Variants in CLCN4 observed in about 807,000 individuals in gnomAD.
The protein encoded by CLCN4 is H(+)/Cl(-) exchange transporter 4.
In CLCN4, 1 loss-of-function variant was observed where a neutral mutation model predicts 41.7. That is an observed-to-expected ratio of 0.02 (90% confidence interval 0.01 to 0.11). CLCN4 has a LOEUF of 0.11. CLCN4 is among the 10% of genes least tolerant of loss of function. The pLI is 1.00. For synonymous variants in CLCN4, 277 were observed against 285.8 expected (o/e 0.97, Z 0.31); for missense variants, 287 against 661.0 (o/e 0.43, Z 6.20).
chrX:10,186,629 G>T (rs4830703), intron 3 of CLCN4, among the ~76,000 whole-genome samples: 22,941 of 110,392 alleles, frequency 0.21, 2,464 homozygotes, highest in East Asian at 0.83. Flanking sequence ...AAAGGAGGAG[G>T]GGAATGTGTA....
intron 2 of CLCN4, among the ~76,000 whole-genome samples, chrX:10,175,744 C>T (rs186057237): frequency 8.1e-4 from 90 of 111,222 alleles, no homozygotes; most frequent in Admixed American, 5.7e-3. Flanking sequence ...ACTTTGTTAG[C>T]GCTATGGTAT....
chrX:10,200,954 G>A (rs1192541166), intron 6 of CLCN4, among the ~76,000 whole-genome samples: 1 of 112,373 alleles, frequency 8.9e-6, no homozygotes, highest in African/African-American at 3.2e-5. Context: ...CTCCCAAAGT[G>A]CTGGGATTAC....
At chrX:10,203,488 A>T (rs1158147784) in intron 6 of CLCN4, among the ~76,000 whole-genome samples, 1 of 111,109 alleles carries the variant, frequency 9.0e-6, no homozygotes, top group East Asian at 2.8e-4. Flanking sequence ...GAACATACAC[A>T]CTCTTGGATG....
At chrX:10,186,277 C>T (rs1489089419) in intron 3 of CLCN4, among the ~76,000 whole-genome samples, 4 of 111,041 alleles carry the variant, frequency 3.6e-5, no homozygotes, top group African/African-American at 9.9e-5. Flanking sequence ...TCCCTGTGTG[C>T]AAGTGGAGGC....
intron 9 of CLCN4, among the ~76,000 whole-genome samples, chrX:10,210,017 C>T (rs188198822): frequency 9.0e-6 from 1 of 111,467 alleles, no homozygotes; most frequent in African/African-American, 3.3e-5. Flanking sequence ...TTTTTCCCTC[C>T]TGCAGCCCCG....
At chrX:10,174,525 A>G (rs767184762) in intron 2 of CLCN4, among the ~76,000 whole-genome samples, 8 of 112,687 alleles carry the variant, frequency 7.1e-5, no homozygotes, top group African/African-American at 2.6e-4. Flanking sequence ...CGGGCATTTT[A>G]TAAACAGTCT....
At chrX:10,172,214 T>C (rs1290719043) in intron 2 of CLCN4, among the ~76,000 whole-genome samples, 1 of 112,315 alleles carries the variant, frequency 8.9e-6, no homozygotes, top group African/African-American at 3.2e-5. Flanking sequence ...CATTTGAAGA[T>C]GTCTGGTTTT....
chrX:10,173,625 T>G (rs1923440147), intron 2 of CLCN4, among the ~76,000 whole-genome samples: 1 of 111,758 alleles, frequency 8.9e-6, no homozygotes, highest in South Asian at 3.8e-4. Context: ...CCCGGTCTCT[T>G]TTCTTTCTTT....
intron 2 of CLCN4, among the ~76,000 whole-genome samples, chrX:10,180,767 C>CA (rs869040200): frequency 0.091 from 2,279 of 25,021 alleles, 294 homozygotes; most frequent in East Asian, 0.59. Context: ...AACTCCATCT[C>CA]AAAAAAAAAA....
chrX:10,190,350 A>G (rs1923927295), intron 4 of CLCN4, among the ~76,000 whole-genome samples: 1 of 111,609 alleles, frequency 9.0e-6, no homozygotes. Flanking sequence ...TCTTTCTATA[A>G]TGTATACATA....
At chrX:10,165,054 C>T (rs753038196) in intron 2 of CLCN4, among the ~76,000 whole-genome samples, 4 of 112,679 alleles carry the variant, frequency 3.5e-5, no homozygotes, top group South Asian at 3.7e-4. Context: ...TGGCCCTGGT[C>T]GCCCTGCACC....
rs1555977625 is a variant in CLCN4 at position 10,216,897 on chromosome X, G to GTATA, written c.1975+2837_1975+2840dup. Among the ~76,000 whole-genome samples the GTATA allele has an allele frequency of 7.0e-3, 145 of 20,826 alleles. 13 individuals carry two copies. Among genetic ancestry groups the GTATA allele is most frequent in the Non-Finnish European group, 0.01 (114 of 10,920 alleles). The allele number at this position is 20,826 out of a possible 115,157, so 18.1% of individuals were successfully genotyped here. A position where few individuals can be genotyped will look rare whatever the true frequency, so the allele number is the denominator to read the frequency against. Reference sequence around the variant, plus strand: ...GTTGGGGATGTGTGTGTGTGTGTGTGTATATATATATATATATATATACAC... The same window carrying GTATA: ...GTTGGGGATGTGTGTGTGTGTGTGTGTATATATATATATATATATATATATACAC... On this transcript the variant is annotated intron_variant, in intron 11 of 12. Coordinates refer to ENST00000380833, the MANE Select transcript of CLCN4 (RefSeq NM_001830.4).
intron 4 of CLCN4, among the ~76,000 whole-genome samples, chrX:10,194,302 A>C (rs1602149607): frequency 1.8e-5 from 2 of 112,201 alleles, no homozygotes; most frequent in East Asian, 5.6e-4. Context: ...TTTGTGATCC[A>C]TTCAACTGCA....
At position 10,157,119 on chromosome X, in the gene CLCN4, A is replaced by G. The variant is rs113761988; in HGVS notation, c.-275+19A>G. 1.3e-5 allele frequency: 4 copies of G among 297,362 alleles called. No homozygotes were observed. The highest frequency in any genetic ancestry group is 8.1e-5 in the African/African-American group (3 of 37,209). The allele number at this position is 297,362 out of a possible 1,213,427, so 24.5% of individuals were successfully genotyped here. A position where few individuals can be genotyped will look rare whatever the true frequency, so the allele number is the denominator to read the frequency against. ...GCGGAAGGTAAGCTGCTTATCACTC[A>G]GAAAAACAAATTTGAGAGGAGTGAC... On this transcript the variant is annotated intron_variant, in intron 1 of 12. Coordinates refer to ENST00000380833, the MANE Select transcript of CLCN4 (RefSeq NM_001830.4).
chrX:10,165,894 C>T (rs1483580277), intron 2 of CLCN4, among the ~76,000 whole-genome samples: 2 of 111,901 alleles, frequency 1.8e-5, no homozygotes, highest in Non-Finnish European at 3.8e-5. Flanking sequence ...CTCTCTTCAC[C>T]GTGGCGTCCC....
At chrX:10,231,381 T>A in intron 12 of CLCN4, among the ~76,000 whole-genome samples, 1 of 111,869 alleles carries the variant, frequency 8.9e-6, no homozygotes. Flanking sequence ...ACTCAATATA[T>A]CATCCAATAT....
At chrX:10,202,192 G>A (rs978216730) in intron 6 of CLCN4, among the ~76,000 whole-genome samples, 7 of 110,684 alleles carry the variant, frequency 6.3e-5, no homozygotes, top group African/African-American at 2.3e-4. Flanking sequence ...GAAAATAAGC[G>A]GCAGAGTGTG....
At chrX:10,175,972 G>GTCTC (rs1923522655) in intron 2 of CLCN4, among the ~76,000 whole-genome samples, 1 of 54,254 alleles carries the variant, frequency 1.8e-5, no homozygotes, top group African/African-American at 8.5e-5. Context: ...CTCTCTCTCT[G>GTCTC]TGTGTGTGTG....
chrX:10,220,278 G>A lies in CLCN4; in HGVS notation c.1976-383G>A, dbSNP rs1297948707. ...TTAAGGTCATCGGGCAGCTAAGTAA[G>A]TTTCTTGTCACCTCAAACTCCAGCC... On this transcript the variant is annotated intron_variant, in intron 11 of 12. Transcript: ENST00000380833. Among the ~76,000 whole-genome samples the A allele has an allele frequency of 2.7e-5, 3 of 112,079 alleles. No homozygotes were observed. In the South Asian group the frequency reaches 1.1e-3, roughly 41 times the overall value.
Sources: allele counts gnomAD v4.1 joint callset (sites outside exome capture counted in the v4.1 genomes callset), GRCh38; gene constraint gnomAD v4.1.1; transcripts MANE v1.5; gene names NCBI Gene and HGNC (gene_info 2026-07-23, HGNC 2026-07-21).